The following CDC42BPB variants were observed in gnomAD, a reference collection of about 807,000 sequenced individuals.
CDC42BPB encodes serine/threonine-protein kinase MRCK beta.
A neutral mutation model predicts 214.9 loss-of-function variants in CDC42BPB; 37 were observed. That is an observed-to-expected ratio of 0.17 (90% CI 0.13 to 0.23). The LOEUF (loss-of-function observed/expected upper bound fraction) is 0.23. Ranked by LOEUF, CDC42BPB falls within the 10% of genes least tolerant of loss-of-function variation. The pLI is 1.00. For missense variants in CDC42BPB, 1,694 were observed against 2,227.0 expected, an observed-to-expected ratio of 0.76 and a Z score of 4.82; for synonymous variants, 931 against 884.0, an observed-to-expected ratio of 1.05 and a Z score of -0.94.
At chr14:103,035,060 C>CT (rs112137178) in intron 1 of CDC42BPB, among the ~76,000 whole-genome samples, 16,043 of 145,994 alleles carry the variant, frequency 0.11, 2,186 homozygotes, top group African/African-American at 0.33. Context: ...TAATTCTATA[C>CT]TTTTTTTTTT....
chr14:102,970,441 T>C (rs34672302), intron 13 of CDC42BPB, 180 bp from the exon 14 acceptor site: 9 of 924,506 alleles, frequency 9.7e-6, no homozygotes, highest in East Asian at 1.2e-4. Flanking sequence ...TCAACTGGGA[T>C]GGTTGGTTAC....
intron 23 of CDC42BPB, among the ~76,000 whole-genome samples, chr14:102,953,681 C>T (rs1056678870): frequency 2.6e-5 from 4 of 152,314 alleles, no homozygotes; most frequent in East Asian, 1.9e-4. Context: ...CAGAAGAAGC[C>T]GAGGCCAGGA....
chr14:102,975,644 C>A, intron 11 of CDC42BPB, 40 bp downstream of exon 11: 1 of 1,603,618 alleles, frequency 6.2e-7, no homozygotes, highest in South Asian at 1.1e-5. Flanking sequence ...CAGTAATGAC[C>A]AAAAATAGAG....
intron 9 of CDC42BPB, 133 bp from the exon 10 acceptor site, chr14:102,976,182 G>A (rs1462525805): frequency 6.9e-7 from 1 of 1,456,674 alleles, no homozygotes; most frequent in Non-Finnish European, 9.0e-7. Flanking sequence ...AGACTTTATG[G>A]TTTATGGAAC....
intron 1 of CDC42BPB, among the ~76,000 whole-genome samples, chr14:103,045,026 T>A (rs1245620824): frequency 7.0e-6 from 1 of 142,002 alleles, no homozygotes; most frequent in Non-Finnish European, 1.5e-5. Flanking sequence ...ATAGGGAGAC[T>A]CTGTCTCTAA....
At chr14:102,972,211 G>T in intron 12 of CDC42BPB, 50 bp from the exon 13 acceptor site, 1 of 1,596,572 alleles carries the variant, frequency 6.3e-7, no homozygotes, top group Non-Finnish European at 8.6e-7. Flanking sequence ...CAAAGGCTTG[G>T]AAGGCTGGAG....
intron 25 of CDC42BPB, 39 bp from the exon 26 acceptor site, chr14:102,949,943 C>T (rs1892407919): frequency 6.2e-7 from 1 of 1,608,018 alleles, no homozygotes; most frequent in South Asian, 1.1e-5. Context: ...TTCCACCAGG[C>T]CAGGCAGGCC....
At chr14:103,047,091 T>C (rs941689745) in intron 1 of CDC42BPB, among the ~76,000 whole-genome samples, 4 of 151,110 alleles carry the variant, frequency 2.6e-5, no homozygotes, top group East Asian at 4.0e-4. Context: ...CGAGAACAGC[T>C]TGGCCAACAT....
chr14:102,981,071 G>A, intron 7 of CDC42BPB, 50 bp from the exon 8 acceptor site: 4 of 1,610,814 alleles, frequency 2.5e-6, no homozygotes, highest in Non-Finnish European at 3.4e-6. Flanking sequence ...CATTCAGAGA[G>A]TTTAAGGTGT....
chr14:102,936,475 A>T (rs1029744986), intron 36 of CDC42BPB, among the ~76,000 whole-genome samples: 1 of 152,202 alleles, frequency 6.6e-6, no homozygotes, highest in Non-Finnish European at 1.5e-5. Flanking sequence ...ACAGTATGCC[A>T]GGTGAGAGCT....
intron 7 of CDC42BPB, among the ~76,000 whole-genome samples, chr14:102,982,881 AAAAG>A (rs1894067377): frequency 6.6e-6 from 1 of 152,260 alleles, no homozygotes; most frequent in South Asian, 2.1e-4. Context: ...TCCATCTCAA[AAAAG>A]AAAGACACAT....
At chr14:103,020,595 G>C (rs1403256859) in intron 1 of CDC42BPB, among the ~76,000 whole-genome samples, 1 of 152,232 alleles carries the variant, frequency 6.6e-6, no homozygotes, top group Non-Finnish European at 1.5e-5. Flanking sequence ...CCTGCAGAGA[G>C]AGAAGGGGCC....
intron 1 of CDC42BPB, among the ~76,000 whole-genome samples, chr14:103,027,223 A>T (rs1225184254): frequency 6.6e-6 from 1 of 152,192 alleles, no homozygotes; most frequent in East Asian, 1.9e-4. Flanking sequence ...ATGAACTCTT[A>T]CACACTGCTA....
At chr14:103,036,887 G>T (rs1397050230) in intron 1 of CDC42BPB, among the ~76,000 whole-genome samples, 1 of 152,138 alleles carries the variant, frequency 6.6e-6, no homozygotes, top group Non-Finnish European at 1.5e-5. Context: ...CACAATCATG[G>T]TTCACTGCAG....
intron 21 of CDC42BPB, among the ~76,000 whole-genome samples, chr14:102,958,579 C>T (rs114037987): frequency 0.044 from 6,641 of 152,126 alleles, 486 homozygotes; most frequent in African/African-American, 0.15. Flanking sequence ...GAAAGGCTGT[C>T]CTGCCTCCAC....
chr14:102,950,959 C>A (rs994625094), intron 24 of CDC42BPB, among the ~76,000 whole-genome samples: 1 of 152,056 alleles, frequency 6.6e-6, no homozygotes, highest in Admixed American at 6.5e-5. Context: ...GAGCGAGACT[C>A]CATCTCAAAA....
chr14:103,044,366 CTTT>C (rs869225876), intron 1 of CDC42BPB, among the ~76,000 whole-genome samples: 7,252 of 128,770 alleles, frequency 0.056, 343 homozygotes, highest in African/African-American at 0.16. Flanking sequence ...CAGCCGGCAC[CTTT>C]TTTTTTTTTT....
chr14:102,978,619 G>A (rs1038693858), intron 8 of CDC42BPB, among the ~76,000 whole-genome samples: 16 of 152,214 alleles, frequency 1.1e-4, no homozygotes, highest in Admixed American at 1.0e-3. Context: ...TAAGACAAGA[G>A]GCCCCAAGGC....
intron 17 of CDC42BPB, 126 bp downstream of exon 17, chr14:102,966,920 G>A (rs1893232474): frequency 9.0e-7 from 1 of 1,113,916 alleles, no homozygotes; most frequent in Non-Finnish European, 1.3e-6. Flanking sequence ...ACAGCAGTGA[G>A]ACCTGCACCC....
Sources: allele counts gnomAD v4.1 joint callset (sites outside exome capture counted in the v4.1 genomes callset), GRCh38; gene constraint gnomAD v4.1.1; transcripts MANE v1.5; gene names NCBI Gene and HGNC (gene_info 2026-07-23, HGNC 2026-07-21).